Variants in MAST4 observed in about 807,000 individuals in gnomAD.
MAST4 encodes the protein microtubule-associated serine/threonine-protein kinase 4.
MAST4 carries 89 observed loss-of-function variants against 162.7 expected under a neutral mutation model. The observed-to-expected ratio is 0.55, with a 90% confidence interval of 0.46 to 0.65. MAST4 has a LOEUF of 0.65. MAST4 is among the 30% of genes least tolerant of loss of function. MAST4 has a pLI of 0.00. For synonymous variants in MAST4, 1,479 were observed against 1,361.1 expected (o/e 1.09, Z -1.91); for missense variants, 3,153 against 3,374.0 (o/e 0.93, Z 1.62).
At position 67,163,028 on chromosome 5, in the gene MAST4, A is replaced by G; in HGVS notation, c.3968-119A>G. On this transcript the variant is annotated intron_variant, in intron 28 of 28. Transcript: ENST00000403625. The surrounding 1 kb of genome is among the most constrained non-coding windows in gnomAD (Gnocchi z 7.0). ...CTGAAAAGTGTTTATTCCACTAGCT[A>G]AATGCTGAGACAATTTGCTGATCTT... is the stretch of plus-strand genomic sequence containing the variant. 1.6e-6 allele frequency: 2 copies of G among 1,216,512 alleles called. No homozygotes were observed. The highest frequency in any genetic ancestry group is 1.5e-5 in the South Asian group (1 of 68,648). The allele number at this position is 1,216,512 out of a possible 1,614,324, so 75.4% of individuals were successfully genotyped here.
chr5:67,083,566 G>A (rs1762901420), intron 5 of MAST4, among the ~76,000 whole-genome samples: 1 of 152,034 alleles, frequency 6.6e-6, no homozygotes, highest in Non-Finnish European at 1.5e-5. Context: ...TAGGAAAAAG[G>A]GGGAATTCTT....
chr5:66,694,683 C>T (rs573250184), intron 1 of MAST4, among the ~76,000 whole-genome samples: 20 of 152,106 alleles, frequency 1.3e-4, no homozygotes, highest in East Asian at 7.8e-4. Flanking sequence ...GATGGGTTTT[C>T]GCCATGTTGG....
intron 1 of MAST4, among the ~76,000 whole-genome samples, chr5:66,661,464 A>T (rs1746905332): frequency 6.6e-6 from 1 of 152,182 alleles, no homozygotes; most frequent in African/African-American, 2.4e-5. Context: ...TCATAGTTAC[A>T]AAGGAGTCCA....
rs975626946 is a variant in MAST4, at chr5:66,807,389, G to A, written c.642+18595G>A. ...CGGGCGCCTTTAGTCCCAGCTACTCGGGAGGCTGAGGCAGGAGAATGGCGT... is the reference window on the plus strand; with the variant it reads ...CGGGCGCCTTTAGTCCCAGCTACTCAGGAGGCTGAGGCAGGAGAATGGCGT... On this transcript the variant is annotated intron_variant, in intron 3 of 28. Coordinates refer to ENST00000403625, the MANE Select transcript of MAST4 (RefSeq NM_001164664.2). Among the ~76,000 whole-genome samples, 11 of 152,062 alleles carry A rather than the reference G, an allele frequency of 7.2e-5. No individual in the cohort carries two copies. In the South Asian group the frequency reaches 8.3e-4, roughly 11 times the overall value.
chr5:66,616,981 C>G (rs759220902), intron 1 of MAST4, among the ~76,000 whole-genome samples: 32 of 152,250 alleles, frequency 2.1e-4, no homozygotes, highest in African/African-American at 6.3e-4. Context: ...ATGGTTTTAA[C>G]TAAAGTGGTT....
intron 4 of MAST4, among the ~76,000 whole-genome samples, chr5:66,977,929 CCA>C (rs1256458512): frequency 6.6e-6 from 1 of 152,172 alleles, no homozygotes; most frequent in Non-Finnish European, 1.5e-5. Flanking sequence ...CATCCTGTCT[CCA>C]AAGGCATTTT....
rs1336997107 is a variant in MAST4, at chr5:67,057,614, G to GAAAAGAAAAGAAAAGAA, written c.763+3123_763+3139dup. On this transcript the variant is annotated intron_variant, in intron 5 of 28. Transcript: ENST00000403625. The stretch of plus-strand genomic sequence containing the variant: ...ATTAAAAAAAAAAAAAAGAAGGAAA[G>GAAAAGAAAAGAAAAGAA]AAAAGAAAAGAAAAGAAGGCATAGA... Among the ~76,000 whole-genome samples the GAAAAGAAAAGAAAAGAA allele has an allele frequency of 2.0e-5, 3 of 147,874 alleles. No homozygotes were observed. The East Asian group carries it at 5.9e-4, about 29-fold the overall frequency.
chr5:66,970,114 G>A lies in MAST4; in HGVS notation c.674+70132G>A, dbSNP rs149571633. Among the ~76,000 whole-genome samples, 61 of 152,298 alleles carry A rather than the reference G, an allele frequency of 4.0e-4. No homozygotes were observed. In the East Asian group the frequency reaches 0.011, roughly 27 times the overall value. ...CCAGCCCTGTGGGTGTGGGGCTGGG[G>A]AGAGATGAGGAAGATTGGCAGTCTC... On this transcript the variant is annotated intron_variant, in intron 4 of 28. Transcript: ENST00000403625.
At chr5:67,043,098 T>C (rs953641775) in intron 4 of MAST4, among the ~76,000 whole-genome samples, 3 of 152,160 alleles carry the variant, frequency 2.0e-5, no homozygotes, top group African/African-American at 7.2e-5. Context: ...CCCTTCCCTT[T>C]TGTGGGTCAA....
intron 4 of MAST4, among the ~76,000 whole-genome samples, chr5:66,927,363 G>A (rs1390679475): frequency 6.6e-6 from 1 of 152,160 alleles, no homozygotes; most frequent in African/African-American, 2.4e-5. Flanking sequence ...TTCTATATAA[G>A]CCTTTGACAG....
At chr5:66,858,825 G>C (rs938795824) in intron 3 of MAST4, among the ~76,000 whole-genome samples, 9 of 151,952 alleles carry the variant, frequency 5.9e-5, no homozygotes, top group Admixed American at 3.3e-4. Context: ...GTATTCATTT[G>C]TGCCTATTAA....
intron 5 of MAST4, among the ~76,000 whole-genome samples, chr5:67,071,256 G>A (rs986769749): frequency 2.0e-5 from 3 of 151,992 alleles, no homozygotes; most frequent in African/African-American, 7.2e-5. Flanking sequence ...ATCTGAACAG[G>A]AAATAAAATA....
At chr5:66,789,904 A>G (rs1057186985) in intron 3 of MAST4, among the ~76,000 whole-genome samples, 1 of 147,086 alleles carries the variant, frequency 6.8e-6, no homozygotes, top group Non-Finnish European at 1.5e-5. Flanking sequence ...CTCCATAAAT[A>G]TGTGTGTATT....
intron 4 of MAST4, among the ~76,000 whole-genome samples, chr5:66,941,486 A>G (rs1468257745): frequency 6.6e-6 from 1 of 152,136 alleles, no homozygotes; most frequent in Non-Finnish European, 1.5e-5. Context: ...CTCTCGTAGA[A>G]TTGAAGAGAA....
At chr5:66,884,254 C>A (rs1427368419) in intron 3 of MAST4, among the ~76,000 whole-genome samples, 1 of 152,110 alleles carries the variant, frequency 6.6e-6, no homozygotes, top group Non-Finnish European at 1.5e-5. Flanking sequence ...TGTAAAAAGT[C>A]TTGGGGAAAT....
At chr5:66,682,724 A>C (rs1011239497) in intron 1 of MAST4, among the ~76,000 whole-genome samples, 1 of 152,202 alleles carries the variant, frequency 6.6e-6, no homozygotes, top group Non-Finnish European at 1.5e-5. Context: ...AAATAACTGC[A>C]TAAGTAAGTG....
At chr5:66,954,912 G>A (rs905562700) in intron 4 of MAST4, among the ~76,000 whole-genome samples, 7 of 142,606 alleles carry the variant, frequency 4.9e-5, no homozygotes, top group African/African-American at 1.8e-4. Flanking sequence ...AAAAAAAAAG[G>A]GAGAAAGGCC....
chr5:67,062,908 GT>G (rs11355542), intron 5 of MAST4, among the ~76,000 whole-genome samples: 5,384 of 152,190 alleles, frequency 0.035, 315 homozygotes, highest in African/African-American at 0.12. Flanking sequence ...GTCATTTTAT[GT>G]TGGTAAAATA....
intron 3 of MAST4, among the ~76,000 whole-genome samples, chr5:66,840,001 A>G (rs1580604916): frequency 1.3e-5 from 2 of 152,062 alleles, no homozygotes. Context: ...TTGGGCAACA[A>G]ATGAGAATAC....
Sources: allele counts gnomAD v4.1 joint callset (sites outside exome capture counted in the v4.1 genomes callset), GRCh38; gene constraint gnomAD v4.1.1; non-coding constraint Gnocchi (gnomAD v3.1); transcripts MANE v1.5; gene names NCBI Gene and HGNC (gene_info 2026-07-23, HGNC 2026-07-21).